Variants in TRDN observed in about 807,000 individuals in gnomAD.
TRDN encodes triadin, also known as triadin in skeletal muscle.
TRDN carries 161 observed loss-of-function variants against 149.7 expected under a neutral mutation model. The observed-to-expected ratio is 1.08, with a 90% CI of 0.95 to 1.23. The LOEUF is 1.23. Ranked by LOEUF, TRDN falls within the 50% of genes most tolerant of loss-of-function variation. TRDN has a pLI of 0.00. For synonymous variants in TRDN, 294 were observed against 250.5 expected, an observed-to-expected ratio of 1.17 and a Z score of -1.64; for missense variants, 896 against 823.5, an observed-to-expected ratio of 1.09 and a Z score of -1.08.
In TRDN at chr6:123,342,438, T is replaced by A. The variant is rs143389927; in HGVS notation, c.1370-4769A>T. On this transcript the variant is annotated intron_variant, in intron 21 of 40. Transcript: ENST00000334268. Reference sequence around the variant, plus strand: ...AGATGTCAAAGCTTCCATGTTTAAATTAAGATAATAACTTTATTACAATAC... The same window carrying A: ...AGATGTCAAAGCTTCCATGTTTAAAATAAGATAATAACTTTATTACAATAC... Among the ~76,000 whole-genome samples the A allele has an allele frequency of 7.4e-3, 1,119 of 151,976 alleles. 15 individuals are homozygous for A. Among genetic ancestry groups the A allele is most frequent in the African/African-American group, 0.025 (1,050 of 41,516 alleles).
At chr6:123,573,529 T>C (rs1295846515) in intron 1 of TRDN, among the ~76,000 whole-genome samples, 1 of 152,054 alleles carries the variant, frequency 6.6e-6, no homozygotes, top group South Asian at 2.1e-4. Flanking sequence ...AACTCTTCAA[T>C]AAATGCAGGC....
intron 2 of TRDN, among the ~76,000 whole-genome samples, chr6:123,560,728 A>G (rs1001800216): frequency 3.3e-5 from 5 of 152,004 alleles, no homozygotes; most frequent in East Asian, 1.9e-4. Flanking sequence ...CCATCTATCA[A>G]TCTCTTCCCA....
chr6:123,241,807 C>T (rs562252705), intron 38 of TRDN, among the ~76,000 whole-genome samples: 1 of 152,046 alleles, frequency 6.6e-6, no homozygotes, highest in South Asian at 2.1e-4. Context: ...GATCTCACAA[C>T]TTGGTGCATT....
chr6:123,226,466 T>C (rs1431852957), intron 38 of TRDN, among the ~76,000 whole-genome samples: 1 of 151,858 alleles, frequency 6.6e-6, no homozygotes, highest in African/African-American at 2.4e-5. Context: ...TTATTACCAC[T>C]AGAAAAATAA....
chr6:123,403,090 A>G (rs1236578017), intron 12 of TRDN, among the ~76,000 whole-genome samples: 1 of 152,188 alleles, frequency 6.6e-6, no homozygotes, highest in African/African-American at 2.4e-5. Flanking sequence ...AATTTTTCCC[A>G]GAGACAGATG....
chr6:123,615,532 G>GTA (rs1237634044), intron 1 of TRDN, among the ~76,000 whole-genome samples: 1 of 143,392 alleles, frequency 7.0e-6, no homozygotes, highest in Non-Finnish European at 1.5e-5. Context: ...TGAAAAACAT[G>GTA]TATATACACA....
chr6:123,468,200 G>A (rs1259271798), intron 9 of TRDN, among the ~76,000 whole-genome samples: 7 of 152,094 alleles, frequency 4.6e-5, no homozygotes. Flanking sequence ...GTAGAAAAGA[G>A]GCTTATAATT....
intron 26 of TRDN, among the ~76,000 whole-genome samples, chr6:123,277,268 T>A (rs1383917679): frequency 6.6e-6 from 1 of 152,070 alleles, no homozygotes. Context: ...TTAGATGAAA[T>A]TTTGGACTTA....
intron 35 of TRDN, among the ~76,000 whole-genome samples, chr6:123,256,390 C>A (rs1776564846): frequency 6.6e-6 from 1 of 151,990 alleles, no homozygotes; most frequent in African/African-American, 2.4e-5. Flanking sequence ...ATTTCTGGTT[C>A]TAGATCCTTG....
chr6:123,412,100 T>C (rs557927764), intron 12 of TRDN, among the ~76,000 whole-genome samples: 42 of 152,328 alleles, frequency 2.8e-4, no homozygotes, highest in African/African-American at 9.9e-4. Flanking sequence ...CAGCAAACAC[T>C]ATAACGCAGT....
chr6:123,385,153 C>T (rs930307543), intron 14 of TRDN, among the ~76,000 whole-genome samples: 2 of 152,044 alleles, frequency 1.3e-5, no homozygotes, highest in African/African-American at 2.4e-5. Context: ...ACCAGCTGGG[C>T]GCGGTGGCTC....
intron 10 of TRDN, among the ~76,000 whole-genome samples, chr6:123,457,057 A>C (rs147768534): frequency 6.6e-6 from 1 of 152,266 alleles, no homozygotes; most frequent in Non-Finnish European, 1.5e-5. Context: ...TTAGAATTCC[A>C]TAACAAGAAA....
chr6:123,296,420 T>C (rs1344696016), intron 24 of TRDN, among the ~76,000 whole-genome samples: 1 of 152,104 alleles, frequency 6.6e-6, no homozygotes, highest in Non-Finnish European at 1.5e-5. Flanking sequence ...TGCAAGAAAA[T>C]ATCATAAGGA....
intron 1 of TRDN, among the ~76,000 whole-genome samples, chr6:123,584,552 C>T (rs1311318498): frequency 6.6e-6 from 1 of 151,992 alleles, no homozygotes; most frequent in African/African-American, 2.4e-5. Context: ...TAATCGGACA[C>T]GATCAGCAGG....
intron 12 of TRDN, among the ~76,000 whole-genome samples, chr6:123,416,858 A>G (rs1226423763): frequency 6.6e-6 from 1 of 152,052 alleles, no homozygotes; most frequent in Non-Finnish European, 1.5e-5. Context: ...TCTGCCACCA[A>G]GCCTAGCTAA....
At chr6:123,418,340 T>C (rs1773743716) in intron 12 of TRDN, 1 of 152,168 alleles carries the variant, frequency 6.6e-6, no homozygotes, top group African/African-American at 2.4e-5. Context: ...TGTGTGTGGT[T>C]AAACTAAGCA....
intron 22 of TRDN, among the ~76,000 whole-genome samples, chr6:123,335,953 A>G (rs1242582223): frequency 6.6e-6 from 1 of 151,976 alleles, no homozygotes; most frequent in Non-Finnish European, 1.5e-5. Context: ...ATTGACTTTC[A>G]TATTACATGA....
intron 7 of TRDN, chr6:123,509,717 C>T: frequency 6.6e-6 from 1 of 152,104 alleles, no homozygotes; most frequent in Non-Finnish European, 1.5e-5. Flanking sequence ...TCCACAGAAA[C>T]TGTGAGATAA....
intron 1 of TRDN, among the ~76,000 whole-genome samples, chr6:123,590,300 G>A (rs534116771): frequency 6.6e-6 from 1 of 152,252 alleles, no homozygotes; most frequent in Non-Finnish European, 1.5e-5. Flanking sequence ...TGCATGGGAG[G>A]AATCTAGGTT....
Sources: gnomAD v4.1 joint callset for allele counts (sites outside exome capture counted in the v4.1 genomes callset) on GRCh38, gnomAD v4.1.1 for gene constraint, MANE v1.5 for transcripts, NCBI Gene and HGNC (gene_info 2026-07-23, HGNC 2026-07-21) for gene names.